Variants in SMC6 observed in about 807,000 individuals in gnomAD.
SMC6 encodes the protein structural maintenance of chromosomes protein 6.
Under a neutral mutation model 142.2 loss-of-function variants are expected in SMC6, and 79 were observed. The observed-to-expected ratio is 0.56, with a 90% confidence interval of 0.46 to 0.67. The LOEUF (loss-of-function observed/expected upper bound fraction) is 0.67. Ranked by LOEUF, SMC6 falls within the 30% of genes least tolerant of loss-of-function variation. The probability of loss-of-function intolerance (pLI) is 0.00; values close to 1 mark genes in which losing one functional copy is unlikely to be tolerated. For synonymous variants in SMC6, 411 were observed against 412.4 expected (o/e 1.00, Z 0.04); for missense variants, 1,072 against 1,284.0 (o/e 0.83, Z 2.52).
chr2:17,674,533 T>C (rs912211420), intron 25 of SMC6, among the ~76,000 whole-genome samples: 12 of 152,182 alleles, frequency 7.9e-5, no homozygotes, highest in Non-Finnish European at 1.5e-4. Flanking sequence ...TGGCACAATG[T>C]TCTATAGTTC....
chr2:17,686,203 C>T (rs1033650860), intron 23 of SMC6, among the ~76,000 whole-genome samples: 6 of 152,102 alleles, frequency 3.9e-5, no homozygotes, highest in Admixed American at 3.3e-4. Context: ...TGGCCAGGTA[C>T]GGTATCTCAC....
intron 23 of SMC6, among the ~76,000 whole-genome samples, chr2:17,685,556 G>C (rs767203957): frequency 6.6e-6 from 1 of 152,110 alleles, no homozygotes; most frequent in Non-Finnish European, 1.5e-5. Context: ...GCATAGTCAT[G>C]TGGAAAAAGA....
rs530774488 is a variant in SMC6 at position 17,672,919 on chromosome 2, A to T, written c.2911-2344T>A. ...ACATTTTCAAATATATCTGTTTGAG[A>T]AAATAAGCACTAATTTTTTCTTGGG... On this transcript the variant is annotated intron_variant, in intron 25 of 27. Coordinates refer to ENST00000448223, the MANE Select transcript of SMC6 (RefSeq NM_001142286.2). Among the ~76,000 whole-genome samples the T allele has an allele frequency of 1.9e-3, 288 of 152,292 alleles. 2 individuals carry two copies. Among genetic ancestry groups the T allele is most frequent in the Non-Finnish European group, 3.6e-3 (242 of 68,020 alleles).
chr2:17,682,244 G>A (rs1003861851), intron 24 of SMC6, among the ~76,000 whole-genome samples: 3 of 152,150 alleles, frequency 2.0e-5, no homozygotes, highest in Admixed American at 6.5e-5. Context: ...ATCCAAGGGG[G>A]TTGAAATTAA....
At chr2:17,692,645 G>T (rs1431594130) in intron 23 of SMC6, among the ~76,000 whole-genome samples, 2 of 152,156 alleles carry the variant, frequency 1.3e-5, no homozygotes, top group African/African-American at 4.8e-5. Flanking sequence ...ATAGGCATGG[G>T]CAAGGACTTC....
intron 23 of SMC6, among the ~76,000 whole-genome samples, chr2:17,691,280 CA>C (rs1298096948): frequency 7.3e-6 from 1 of 137,222 alleles, no homozygotes; most frequent in African/African-American, 2.7e-5. Flanking sequence ...TATTCAGCTA[CA>C]AAAAAGCTAT....
intron 17 of SMC6, among the ~76,000 whole-genome samples, chr2:17,707,951 G>T (rs2124964349): frequency 6.7e-6 from 1 of 149,828 alleles, no homozygotes; most frequent in South Asian, 2.1e-4. Flanking sequence ...AATATGAGTA[G>T]AACCCACAAA....
rs779351771 is a variant in SMC6, at chr2:17,707,233, C to T, written c.1992G>A (p.Val664=). 1 of 1,585,430 alleles carries T rather than the reference C, an allele frequency of 6.3e-7. No individual in the cohort carries two copies. ...NTRPKFLSRD[V]DSEISDLENE... ...TTGACTCTAACCTTATTTCAGAATC[C>T]ACATCTCTGCTTAGGAACTTAGGTC... The change falls in exon 18 of 28, where the codon GTG becomes GTA. Residue 664 remains valine (V), a synonymous_variant. Coordinates refer to ENST00000448223, the MANE Select transcript of SMC6 (RefSeq NM_001142286.2).
chr2:17,741,708 T>A lies in SMC6; in HGVS notation c.142A>T (p.Ile48Phe), dbSNP rs756248994. The A allele has an allele frequency of 6.2e-7, 1 of 1,607,920 alleles. No individual in the cohort carries two copies. The highest frequency in any genetic ancestry group is 8.5e-7 in the Non-Finnish European group (1 of 1,177,064). ...TTLTAAEVGI[I>F]ESIHLKNFMC... Reference sequence around the variant, plus strand: ...AAGTTTTTTAGGTGAATACTCTCAATTATTCCAACTTCTGCTGCAGTCTAT... The same window carrying A: ...AAGTTTTTTAGGTGAATACTCTCAAATATTCCAACTTCTGCTGCAGTCTAT... Residue 48 changes from isoleucine to phenylalanine, a missense_variant, in exon 4 of 28, where the codon ATT becomes TTT. By Grantham distance (21) the Ile-to-Phe change is conservative. Around this residue, in one of 3 missense-constraint regions of SMC6, gnomAD observed 994 missense variants for 1,153.2 expected, o/e 0.86. Coordinates refer to ENST00000448223, the MANE Select transcript of SMC6 (RefSeq NM_001142286.2).
At chr2:17,746,711 CCAGT>C (rs1310986589) in intron 2 of SMC6, among the ~76,000 whole-genome samples, 1 of 152,098 alleles carries the variant, frequency 6.6e-6, no homozygotes, top group African/African-American at 2.4e-5. Flanking sequence ...TACTGGATCT[CCAGT>C]CAAAGCTGAT....
chr2:17,691,242 A>T (rs1366903880), intron 23 of SMC6, among the ~76,000 whole-genome samples: 1 of 138,926 alleles, frequency 7.2e-6, no homozygotes, highest in East Asian at 2.3e-4. Flanking sequence ...ATACACACAC[A>T]CACACACACA....
intron 23 of SMC6, among the ~76,000 whole-genome samples, chr2:17,684,195 T>C (rs1667349332): frequency 6.6e-6 from 1 of 152,016 alleles, no homozygotes; most frequent in African/African-American, 2.4e-5. Flanking sequence ...CTAAACAAGA[T>C]AAGATCAAAG....
intron 7 of SMC6, among the ~76,000 whole-genome samples, chr2:17,727,538 C>T (rs992439918): frequency 5.9e-5 from 9 of 151,290 alleles, no homozygotes; most frequent in Admixed American, 2.0e-4. Flanking sequence ...CACACACACA[C>T]ATATATGTAA....
intron 8 of SMC6, 99 bp from the exon 9 acceptor site, chr2:17,725,457 A>G (rs2125027473): frequency 2.9e-6 from 2 of 697,662 alleles, no homozygotes. Context: ...AAACTTTTAG[A>G]TCAATGATGT....
intron 16 of SMC6, among the ~76,000 whole-genome samples, chr2:17,710,638 G>A (rs1156659093): frequency 6.6e-6 from 1 of 152,118 alleles, no homozygotes; most frequent in African/African-American, 2.4e-5. Context: ...CTTGGGCCAA[G>A]TGAAAAAGTG....
chr2:17,740,272 C>T (rs1049787143), intron 4 of SMC6, among the ~76,000 whole-genome samples: 1 of 152,166 alleles, frequency 6.6e-6, no homozygotes, highest in African/African-American at 2.4e-5. Context: ...CTCCTAGAGA[C>T]ACTTTCTTCC....
chr2:17,703,308 G>A lies in SMC6; in HGVS notation c.2007-16C>T, dbSNP rs760285968. Reference sequence around the variant, plus strand: ...CTCCAAGTCACTTGATAGGAAAGGAGAAGATAGAAAATACTTTAAATCTTT... The same window carrying A: ...CTCCAAGTCACTTGATAGGAAAGGAAAAGATAGAAAATACTTTAAATCTTT... On this transcript the variant is annotated splice_polypyrimidine_tract_variant and intron_variant, in intron 18 of 27. Coordinates refer to ENST00000448223, the MANE Select transcript of SMC6 (RefSeq NM_001142286.2). 1.1e-5 allele frequency: 17 copies of A among 1,584,768 alleles called. 1 individual carries two copies. The South Asian group carries it at 1.9e-4, about 17-fold the overall frequency.
chr2:17,750,990 A>T (rs954939995), intron 2 of SMC6, among the ~76,000 whole-genome samples: 2 of 116,974 alleles, frequency 1.7e-5, no homozygotes, highest in Admixed American at 9.9e-5. Flanking sequence ...GGACAACAAG[A>T]GTGAACAGCT....
intron 7 of SMC6, among the ~76,000 whole-genome samples, chr2:17,729,794 T>C (rs1669818698): frequency 6.6e-6 from 1 of 152,252 alleles, no homozygotes; most frequent in Admixed American, 6.5e-5. Context: ...TTGCTACGTG[T>C]GGCTTTTTCT....
Sources: gnomAD v4.1 joint callset for allele counts (sites outside exome capture counted in the v4.1 genomes callset) on GRCh38, gnomAD v4.1.1 for gene constraint, gnomAD v4.1.1 regional missense constraint, MANE v1.5 for transcripts, NCBI Gene and HGNC (gene_info 2026-07-23, HGNC 2026-07-21) for gene names.